Variants in CPM observed in about 807,000 individuals in gnomAD.
The protein encoded by CPM is renal carboxypeptidase.
A neutral mutation model predicts 46.4 loss-of-function variants in CPM; 35 were observed. The ratio of observed to expected loss-of-function variants is 0.75; its 90% CI spans 0.58 to 1.00. The LOEUF (loss-of-function observed/expected upper bound fraction) is 1.00, where lower values mean the gene tolerates loss of function less well. Among genes scored for constraint, CPM ranks in the 50% least tolerant of loss-of-function variants. The pLI is 0.00. For missense variants in CPM, 422 were observed against 530.4 expected (o/e 0.80, Z 2.01); for synonymous variants, 195 against 195.3 (o/e 1.00, Z 0.01).
At chr12:68,907,783 G>C (rs1887414576) in intron 2 of CPM, among the ~76,000 whole-genome samples, 1 of 152,152 alleles carries the variant, frequency 6.6e-6, no homozygotes, top group Non-Finnish European at 1.5e-5. Flanking sequence ...TTGCTAGCCA[G>C]AATGAAAATT....
intron 3 of CPM, among the ~76,000 whole-genome samples, chr12:68,872,654 G>A (rs917508011): frequency 5.3e-5 from 8 of 152,086 alleles, no homozygotes; most frequent in Non-Finnish European, 8.8e-5. Context: ...CAGGAATCAC[G>A]TATTTCCATG....
intron 2 of CPM, among the ~76,000 whole-genome samples, chr12:68,932,149 C>T (rs150025883): frequency 1.9e-3 from 294 of 152,294 alleles, no homozygotes; most frequent in African/African-American, 6.7e-3. Context: ...ACCAACAGAA[C>T]TGTACTACTT....
intron 2 of CPM, among the ~76,000 whole-genome samples, chr12:68,892,855 AAAAC>A (rs1886711861): frequency 6.6e-6 from 1 of 152,056 alleles, no homozygotes; most frequent in South Asian, 2.1e-4. Flanking sequence ...AACAAACAAA[AAAAC>A]AAACCGAAAA....
chr12:68,874,342 G>C (rs187236934), intron 3 of CPM, among the ~76,000 whole-genome samples: 19 of 152,114 alleles, frequency 1.2e-4, no homozygotes, highest in Non-Finnish European at 1.6e-4. Context: ...GGGGCTGGGC[G>C]TGGAGGCTTA....
At chr12:68,929,115 C>G (rs144835995) in intron 2 of CPM, among the ~76,000 whole-genome samples, 77 of 151,986 alleles carry the variant, frequency 5.1e-4, no homozygotes, top group Admixed American at 9.2e-4. Flanking sequence ...GATAGTCAAC[C>G]CTCAACACAA....
At chr12:68,957,541 G>A (rs1889042041) in intron 1 of CPM, 2 of 183,860 alleles carry the variant, frequency 1.1e-5, no homozygotes, top group African/African-American at 4.7e-5. Context: ...GTCCAATTTG[G>A]ATTTTCCACA....
chr12:68,944,916 T>C (rs1888821935), intron 1 of CPM, among the ~76,000 whole-genome samples: 1 of 152,088 alleles, frequency 6.6e-6, no homozygotes, highest in East Asian at 1.9e-4. Context: ...CCCAGTGAGC[T>C]GAGTCTGCCT....
chr12:68,962,679 A>G (rs1047510191), intron 1 of CPM, among the ~76,000 whole-genome samples: 1 of 152,214 alleles, frequency 6.6e-6, no homozygotes, highest in African/African-American at 2.4e-5. Context: ...GGAGCCAGAC[A>G]TGCCTCATTG....
chr12:68,874,399 C>T (rs998589949), intron 3 of CPM, among the ~76,000 whole-genome samples: 6 of 151,606 alleles, frequency 4.0e-5, no homozygotes, highest in South Asian at 2.1e-4. Flanking sequence ...GTGGATCACC[C>T]GAAGTCAGGA....
chr12:68,876,507 A>T (rs537523817), intron 3 of CPM, among the ~76,000 whole-genome samples: 2 of 152,320 alleles, frequency 1.3e-5, no homozygotes, highest in South Asian at 4.1e-4. Flanking sequence ...GGAGAGTCCA[A>T]ATTTTAAAAA....
downstream of CPM, chr12:68,848,585 G>C (rs1455844233): frequency 6.6e-6 from 1 of 152,246 alleles, no homozygotes; most frequent in African/African-American, 2.4e-5. Context: ...TTGTAAGAGA[G>C]AGGGTCTTGG....
rs908040931 is a variant in CPM, at chr12:68,852,733, T to C, written c.*3704A>G. 12 of 148,340 alleles carry C rather than the reference T, an allele frequency of 8.1e-5. No individual in the cohort carries two copies. The highest frequency in any genetic ancestry group is 2.7e-4 in the African/African-American group (11 of 40,770). The allele number at this position is 148,340 out of a possible 1,614,324, so 9.2% of individuals were successfully genotyped here. A position where few individuals can be genotyped will look rare whatever the true frequency, so the allele number is the denominator to read the frequency against. On this transcript the variant is annotated 3_prime_UTR_variant, in exon 9 of 9. Transcript: ENST00000551568. Reference sequence around the variant, plus strand: ...CCACCACGCCCGGCTAATTTTTGTATTTTTTTTTAGTAGAGATGGGGTTTC... The same window carrying C: ...CCACCACGCCCGGCTAATTTTTGTACTTTTTTTTAGTAGAGATGGGGTTTC...
At chr12:68,898,491 G>A (rs1307534010) in intron 2 of CPM, among the ~76,000 whole-genome samples, 1 of 152,160 alleles carries the variant, frequency 6.6e-6, no homozygotes, top group African/African-American at 2.4e-5. Flanking sequence ...GAGAGGCCTT[G>A]AAGTTACCAA....
At position 68,927,142 on chromosome 12, in the gene CPM, G is replaced by A. The variant is rs548515997; in HGVS notation, c.160+5536C>T. Among the ~76,000 whole-genome samples the A allele has an allele frequency of 9.1e-3, 1,385 of 151,530 alleles. 26 individuals carry two copies. The highest frequency in any genetic ancestry group is 0.031 in the African/African-American group (1,297 of 41,218). ...TAGATCCCTGAGGAATCGCCACACT[G>A]ACTTCCACAATGGTTGAACTAGTTT... On this transcript the variant is annotated intron_variant, in intron 2 of 8. Transcript: ENST00000551568.
intron 2 of CPM, among the ~76,000 whole-genome samples, chr12:68,901,460 G>A (rs1887109196): frequency 6.6e-6 from 1 of 152,078 alleles, no homozygotes; most frequent in African/African-American, 2.4e-5. Context: ...ATTAGAAAGG[G>A]GTTAAGAAAT....
chr12:68,878,914 G>A lies in CPM; in HGVS notation c.258+6878C>T, dbSNP rs189888338. Among the ~76,000 whole-genome samples, 529 of 152,288 alleles carry A rather than the reference G, an allele frequency of 3.5e-3. 2 individuals are homozygous for A. Among genetic ancestry groups the A allele is most frequent in the African/African-American group, 0.012 (500 of 41,568 alleles). The stretch of plus-strand genomic sequence containing the variant: ...AGCAGAATTGCAATTTAGGCTGGGC[G>A]CAATGGCTCAAGCCTGTAATCCCAA... On this transcript the variant is annotated intron_variant, in intron 3 of 8. Coordinates refer to ENST00000551568, the MANE Select transcript of CPM (RefSeq NM_198320.5).
chr12:68,859,199 G>T, intron 7 of CPM, 128 bp from the exon 8 acceptor site: 1 of 479,580 alleles, frequency 2.1e-6, no homozygotes, highest in Non-Finnish European at 3.3e-6. Flanking sequence ...AATATTAAGT[G>T]TTAGAGAGGG....
chr12:68,849,335 C>CT (rs1194772002), downstream of CPM: 1 of 151,480 alleles, frequency 6.6e-6, no homozygotes, highest in East Asian at 2.0e-4. Flanking sequence ...GGTGACCCAC[C>CT]TGCTTTGGCC....
intron 2 of CPM, among the ~76,000 whole-genome samples, chr12:68,918,472 T>C (rs1489029826): frequency 6.6e-6 from 1 of 152,176 alleles, no homozygotes; most frequent in Admixed American, 6.5e-5. Context: ...GCCCTTGATT[T>C]CATCCCAAAT....
Sources: allele counts gnomAD v4.1 joint callset (sites outside exome capture counted in the v4.1 genomes callset), GRCh38; gene constraint gnomAD v4.1.1; transcripts MANE v1.5; gene names NCBI Gene and HGNC (gene_info 2026-07-23, HGNC 2026-07-21).